Variants in FAF1 observed in about 807,000 individuals in gnomAD.
FAF1 encodes the protein Fas associated factor 1, also known as FAS-associated factor 1.
In FAF1, 25 loss-of-function variants were observed where a neutral mutation model predicts 92.5. That is an observed-to-expected ratio of 0.27 (90% CI 0.20 to 0.38). FAF1 has a LOEUF of 0.38. Ranked by LOEUF, FAF1 falls within the 10% of genes least tolerant of loss-of-function variation. The pLI, the probability that FAF1 is intolerant of heterozygous loss-of-function variation, is 1.00. For missense variants in FAF1, 636 were observed against 793.3 expected, an observed-to-expected ratio of 0.80 and a Z score of 2.38; for synonymous variants, 234 against 273.2, an observed-to-expected ratio of 0.86 and a Z score of 1.42.
intron 15 of FAF1, among the ~76,000 whole-genome samples, chr1:50,502,818 C>CT (rs998571331): frequency 4.6e-5 from 7 of 151,530 alleles, no homozygotes; most frequent in Middle Eastern, 3.4e-3. Context: ...TGTTTTTAAA[C>CT]TTTTTTTTTC....
chr1:50,488,376 A>C (rs1646790691), intron 17 of FAF1, among the ~76,000 whole-genome samples: 1 of 152,240 alleles, frequency 6.6e-6, no homozygotes, highest in Admixed American at 6.5e-5. Flanking sequence ...AGATGAAATT[A>C]CATACGCTGC....
Position 50,475,670 on chromosome 1 carries a change from G to A in FAF1, c.1663C>T (p.Leu555=), listed in dbSNP as rs376962282. Residue 555 remains leucine, a synonymous_variant, in exon 18 of 19, where the codon CTG becomes TTG. Coordinates refer to ENST00000396153, the MANE Select transcript of FAF1 (RefSeq NM_007051.3). ...GGAGGCAGGGCTTGCTCTAAGGACA[G>A]CCGGATGGCCTAGGGAGAGCAAAAA... The part of the protein sequence containing the change: ...EQEEEREAIR[L]SLEQALPPEP... 1 of 1,613,322 alleles carries A rather than the reference G, an allele frequency of 6.2e-7. No homozygotes were observed. Among genetic ancestry groups the A allele is most frequent in the African/African-American group, 1.3e-5 (1 of 74,904 alleles).
intron 18 of FAF1, among the ~76,000 whole-genome samples, chr1:50,447,091 C>A (rs1382042050): frequency 6.6e-6 from 1 of 151,268 alleles, no homozygotes; most frequent in Non-Finnish European, 1.5e-5. Context: ...AAACAATAAA[C>A]CAACAGAGGC....
chr1:50,825,987 G>A (rs867164115), intron 2 of FAF1, among the ~76,000 whole-genome samples: 49 of 152,174 alleles, frequency 3.2e-4, no homozygotes, highest in African/African-American at 1.1e-3. Flanking sequence ...GAAAATACAT[G>A]ATGGCAAAAC....
At chr1:50,789,624 A>T (rs1029199003) in intron 3 of FAF1, among the ~76,000 whole-genome samples, 1 of 152,152 alleles carries the variant, frequency 6.6e-6, no homozygotes, top group Non-Finnish European at 1.5e-5. Context: ...AACTAATGCA[A>T]TTGCCTCCTA....
intron 8 of FAF1, among the ~76,000 whole-genome samples, chr1:50,622,066 T>G (rs1653237945): frequency 6.7e-6 from 1 of 150,066 alleles, no homozygotes; most frequent in Admixed American, 6.7e-5. Flanking sequence ...CTCAGGAAGC[T>G]GAGGCAGGAA....
intron 1 of FAF1, among the ~76,000 whole-genome samples, chr1:50,910,429 T>C (rs1230140370): frequency 6.6e-6 from 1 of 152,154 alleles, no homozygotes; most frequent in Non-Finnish European, 1.5e-5. Flanking sequence ...ACAGGGAAGT[T>C]TAAGTCTGCA....
chr1:50,597,699 A>G (rs1052852191), intron 8 of FAF1, among the ~76,000 whole-genome samples: 2 of 152,222 alleles, frequency 1.3e-5, no homozygotes, highest in African/African-American at 4.8e-5. Context: ...TAAGGAAAAA[A>G]TAGCTATAGT....
At chr1:50,602,503 CTTTT>C (rs1424715054) in intron 8 of FAF1, among the ~76,000 whole-genome samples, 2 of 136,686 alleles carry the variant, frequency 1.5e-5, no homozygotes, top group Non-Finnish European at 1.6e-5. Context: ...TAAAGTATTG[CTTTT>C]TTTTTTTTTT....
At chr1:50,825,058 T>C (rs1181888017) in intron 2 of FAF1, among the ~76,000 whole-genome samples, 2 of 152,044 alleles carry the variant, frequency 1.3e-5, no homozygotes, top group African/African-American at 2.4e-5. Flanking sequence ...GTGACTATAG[T>C]TAACAATAAT....
chr1:50,631,718 A>C (rs568958880), intron 8 of FAF1, among the ~76,000 whole-genome samples: 170 of 152,344 alleles, frequency 1.1e-3, no homozygotes, highest in African/African-American at 3.7e-3. Context: ...GCTGCACCCC[A>C]AAGTGCAAAA....
chr1:50,950,182 G>A (rs965261203), intron 1 of FAF1, among the ~76,000 whole-genome samples: 2 of 151,970 alleles, frequency 1.3e-5, no homozygotes, highest in Non-Finnish European at 2.9e-5. Context: ...GCCTACAAAA[G>A]GCAAATGACT....
In FAF1 at chr1:50,576,589, G is replaced by A. The variant is rs573057494; in HGVS notation, c.1113+6029C>T. 2.2e-4 allele frequency among the ~76,000 whole-genome samples: 33 copies of A among 151,992 alleles called. 2 individuals are homozygous for A. In the South Asian group the frequency reaches 6.5e-3, roughly 30 times the overall value. On this transcript the variant is annotated intron_variant, in intron 12 of 18. Coordinates refer to ENST00000396153, the MANE Select transcript of FAF1 (RefSeq NM_007051.3). ...GAGAATTCAGGGACAGTAGGCATGA[G>A]AGGTGGGGAGGCCCCAAGGAAAAAA...
At chr1:50,677,487 T>C (rs913128397) in intron 7 of FAF1, among the ~76,000 whole-genome samples, 2 of 152,238 alleles carry the variant, frequency 1.3e-5, no homozygotes, top group Non-Finnish European at 1.5e-5. Context: ...ATGACTCATG[T>C]ATTTCTTTAG....
intron 1 of FAF1, among the ~76,000 whole-genome samples, chr1:50,930,338 G>A (rs1645038191): frequency 6.6e-6 from 1 of 152,122 alleles, no homozygotes; most frequent in Admixed American, 6.6e-5. Flanking sequence ...AAAGTTTAGG[G>A]TACAGTACTA....
chr1:50,695,375 TAA>T (rs759953014), intron 7 of FAF1, among the ~76,000 whole-genome samples: 1 of 144,976 alleles, frequency 6.9e-6, no homozygotes, highest in Admixed American at 6.9e-5. Flanking sequence ...ACCATTGCAC[TAA>T]AAAAAAAAAA....
At chr1:50,834,397 C>T (rs1209157126) in intron 2 of FAF1, among the ~76,000 whole-genome samples, 1 of 152,214 alleles carries the variant, frequency 6.6e-6, no homozygotes, top group African/African-American at 2.4e-5. Context: ...CGTAAGACCA[C>T]TACCAACATG....
At chr1:50,505,526 C>A (rs1647048566) in intron 15 of FAF1, among the ~76,000 whole-genome samples, 1 of 152,144 alleles carries the variant, frequency 6.6e-6, no homozygotes, top group Admixed American at 6.5e-5. Context: ...AGGATTCCTT[C>A]CTGAAAGGAG....
intron 2 of FAF1, among the ~76,000 whole-genome samples, chr1:50,816,453 C>T (rs574513601): frequency 9.9e-5 from 15 of 152,218 alleles, no homozygotes; most frequent in Non-Finnish European, 1.9e-4. Flanking sequence ...ATCCTTCCGC[C>T]TCGGCCTCCC....
Sources: gnomAD v4.1 joint callset for allele counts (sites outside exome capture counted in the v4.1 genomes callset) on GRCh38, gnomAD v4.1.1 for gene constraint, MANE v1.5 for transcripts, NCBI Gene and HGNC (gene_info 2026-07-23, HGNC 2026-07-21) for gene names.